The following GUCY1A2 variants were observed in gnomAD, a reference collection of about 807,000 sequenced individuals.
GUCY1A2 encodes the protein guanylate cyclase 1 soluble subunit alpha 2, also known as guanylate cyclase soluble subunit alpha-2.
In GUCY1A2, 27 loss-of-function variants were observed where a neutral mutation model predicts 63.5. The ratio of observed to expected loss-of-function variants is 0.43; its 90% CI spans 0.31 to 0.59. GUCY1A2 has a LOEUF of 0.59. Among genes scored for constraint, GUCY1A2 ranks in the 20% least tolerant of loss-of-function variants. GUCY1A2 has a pLI of 0.11. For missense variants in GUCY1A2, 768 were observed against 913.3 expected, an observed-to-expected ratio of 0.84 and a Z score of 2.05; for synonymous variants, 364 against 343.5, an observed-to-expected ratio of 1.06 and a Z score of -0.66.
At chr11:106,900,375 G>A (rs933183279) in intron 4 of GUCY1A2, among the ~76,000 whole-genome samples, 9 of 152,004 alleles carry the variant, frequency 5.9e-5, no homozygotes, top group Admixed American at 5.9e-4. Context: ...GTAGAGACGG[G>A]GTTTTGCCAC....
At chr11:106,875,895 T>G (rs1467306456) in intron 4 of GUCY1A2, among the ~76,000 whole-genome samples, 1 of 151,940 alleles carries the variant, frequency 6.6e-6, no homozygotes, top group Non-Finnish European at 1.5e-5. Context: ...ATGTGGCACT[T>G]TACTCTGACG....
intron 4 of GUCY1A2, among the ~76,000 whole-genome samples, chr11:106,844,035 G>T (rs975977007): frequency 6.6e-6 from 1 of 151,788 alleles, no homozygotes; most frequent in Non-Finnish European, 1.5e-5. Context: ...ACTTGCACAT[G>T]TATGTTTATG....
At chr11:106,941,671 C>T (rs1402913045) in intron 3 of GUCY1A2, among the ~76,000 whole-genome samples, 1 of 152,168 alleles carries the variant, frequency 6.6e-6, no homozygotes, top group Non-Finnish European at 1.5e-5. Flanking sequence ...CCTGAGTGTT[C>T]CTCCCAGCCA....
intron 4 of GUCY1A2, among the ~76,000 whole-genome samples, chr11:106,933,054 C>G (rs1391183353): frequency 6.6e-6 from 1 of 151,990 alleles, no homozygotes; most frequent in Non-Finnish European, 1.5e-5. Flanking sequence ...GGACACTGGC[C>G]TTGGGAAAGA....
intron 4 of GUCY1A2, among the ~76,000 whole-genome samples, chr11:106,913,957 T>C (rs1214005326): frequency 7.3e-6 from 1 of 137,650 alleles, no homozygotes; most frequent in African/African-American, 2.8e-5. Flanking sequence ...GTTTGTTGGG[T>C]CATTGATTTC....
chr11:106,780,009 A>G (rs1864430849), intron 5 of GUCY1A2, among the ~76,000 whole-genome samples: 5 of 152,080 alleles, frequency 3.3e-5, no homozygotes, highest in Admixed American at 3.3e-4. Context: ...TGAGACCTCA[A>G]TCTTTACAAA....
At chr11:107,008,101 T>G (rs1054316322) in intron 1 of GUCY1A2, among the ~76,000 whole-genome samples, 5 of 149,318 alleles carry the variant, frequency 3.3e-5, no homozygotes, top group African/African-American at 1.2e-4. Context: ...CCAGCCAATA[T>G]GGCGAAACCC....
chr11:106,993,415 A>C (rs1330743539), intron 1 of GUCY1A2, among the ~76,000 whole-genome samples: 1 of 152,196 alleles, frequency 6.6e-6, no homozygotes, highest in Non-Finnish European at 1.5e-5. Flanking sequence ...CATTTCAAAC[A>C]ACCAGTTTAC....
chr11:106,833,724 G>A (rs1859081591), intron 4 of GUCY1A2, among the ~76,000 whole-genome samples: 1 of 151,866 alleles, frequency 6.6e-6, no homozygotes, highest in South Asian at 2.1e-4. Flanking sequence ...TCAACCGTAA[G>A]TAAAGATTAT....
intron 4 of GUCY1A2, among the ~76,000 whole-genome samples, chr11:106,879,943 T>C (rs1479405212): frequency 6.6e-6 from 1 of 152,118 alleles, no homozygotes; most frequent in African/African-American, 2.4e-5. Flanking sequence ...TTGATCGTTA[T>C]ATTGTATGGC....
chr11:106,964,459 C>G (rs1861100968), intron 3 of GUCY1A2, among the ~76,000 whole-genome samples: 1 of 152,090 alleles, frequency 6.6e-6, no homozygotes, highest in South Asian at 2.1e-4. Context: ...ACATTCAAGT[C>G]AAAGAGAAAG....
rs905328109 is a variant in GUCY1A2 at position 106,679,815 on chromosome 11, C to G, written c.*7734G>C. The stretch of plus-strand genomic sequence containing the variant: ...CTTTCATTTACCTTAATCATTGTAA[C>G]CAAGACTAGTTCTATCTGCCACCTT... On this transcript the variant is annotated 3_prime_UTR_variant, in exon 8 of 8. Transcript: ENST00000526355. 1 of 217,680 alleles carries G rather than the reference C, an allele frequency of 4.6e-6. No individual in the cohort carries two copies. Among genetic ancestry groups the G allele is most frequent in the Non-Finnish European group, 9.2e-6 (1 of 108,310 alleles). 13.5% of individuals were successfully genotyped at this position (217,680 alleles called of 1,614,324 possible).
At chr11:106,713,496 C>CT (rs143909145) in intron 6 of GUCY1A2, among the ~76,000 whole-genome samples, 1,312 of 78,406 alleles carry the variant, frequency 0.017, 165 homozygotes, top group African/African-American at 0.032. Context: ...TAGTATGTTT[C>CT]TTTTTTTTTT....
chr11:106,812,659 T>C (rs1858778204), intron 4 of GUCY1A2, among the ~76,000 whole-genome samples: 1 of 151,794 alleles, frequency 6.6e-6, no homozygotes, highest in Non-Finnish European at 1.5e-5. Context: ...GTAATGCATT[T>C]TAAATATTAA....
At chr11:106,775,315 A>T (rs1486675163) in intron 6 of GUCY1A2, among the ~76,000 whole-genome samples, 1 of 152,174 alleles carries the variant, frequency 6.6e-6, no homozygotes, top group East Asian at 1.9e-4. Flanking sequence ...AAAAGATAAA[A>T]ATACAACCAC....
intron 2 of GUCY1A2, among the ~76,000 whole-genome samples, chr11:106,982,412 G>T (rs562065325): frequency 6.6e-6 from 1 of 152,134 alleles, no homozygotes; most frequent in East Asian, 1.9e-4. Flanking sequence ...AGAAGTTTGA[G>T]TTAAAGAGCA....
intron 7 of GUCY1A2, among the ~76,000 whole-genome samples, chr11:106,706,536 G>A (rs1306358687): frequency 6.9e-6 from 1 of 145,890 alleles, no homozygotes; most frequent in Non-Finnish European, 1.5e-5. Context: ...GACTTGTATG[G>A]CTGGCAGAGT....
intron 5 of GUCY1A2, among the ~76,000 whole-genome samples, chr11:106,799,191 G>C (rs1424607396): frequency 1.3e-5 from 2 of 152,084 alleles, no homozygotes; most frequent in Non-Finnish European, 2.9e-5. Flanking sequence ...ACTTACAAGG[G>C]ATATGAAGGA....
chr11:106,717,471 C>T (rs1459645984), intron 6 of GUCY1A2, among the ~76,000 whole-genome samples: 1 of 152,134 alleles, frequency 6.6e-6, no homozygotes, highest in African/African-American at 2.4e-5. Context: ...AAACTGAAAC[C>T]ATGAGTAACA....
Sources: gnomAD v4.1 joint callset for allele counts (sites outside exome capture counted in the v4.1 genomes callset) on GRCh38, gnomAD v4.1.1 for gene constraint, MANE v1.5 for transcripts, NCBI Gene and HGNC (gene_info 2026-07-23, HGNC 2026-07-21) for gene names.